The following TBC1D22A variants were observed in gnomAD, a reference collection of about 807,000 sequenced individuals.
TBC1D22A encodes putative GTPase activator.
TBC1D22A carries 38 observed loss-of-function variants against 60.2 expected under a neutral mutation model. The observed-to-expected ratio is 0.63, with a 90% confidence interval of 0.49 to 0.83. The LOEUF is 0.83. Among genes scored for constraint, TBC1D22A ranks in the 40% least tolerant of loss-of-function variants. The pLI, the probability that TBC1D22A is intolerant of heterozygous loss-of-function variation, is 0.00. For missense variants in TBC1D22A, 628 were observed against 701.0 expected (o/e 0.90, Z 1.18); for synonymous variants, 302 against 281.7 (o/e 1.07, Z -0.72).
At chr22:46,797,652 A>G in intron 4 of TBC1D22A, 32 bp downstream of exon 4, 1 of 1,555,296 alleles carries the variant, frequency 6.4e-7, no homozygotes, top group Non-Finnish European at 8.7e-7. Context: ...GGACACACAC[A>G]GACATTTCTT....
chr22:46,939,674 T>G (rs2071868549), intron 8 of TBC1D22A, among the ~76,000 whole-genome samples: 1 of 152,248 alleles, frequency 6.6e-6, no homozygotes, highest in Non-Finnish European at 1.5e-5. Context: ...AAGATGACTG[T>G]CTTCGACAAA....
In TBC1D22A at chr22:46,987,246, C is replaced by T. The variant is rs117814543; in HGVS notation, c.1126-10388C>T. 1.2e-3 allele frequency among the ~76,000 whole-genome samples: 179 copies of T among 152,214 alleles called. 2 individuals carry two copies. The East Asian group carries it at 0.033, about 28-fold the overall frequency. On this transcript the variant is annotated intron_variant, in intron 9 of 12. Coordinates refer to ENST00000337137, the MANE Select transcript of TBC1D22A (RefSeq NM_014346.5). ...GAGGGAGAAATTAGTCTCCATCTCT[C>T]GATGCCGGAGTGGCATTGGTCACCT...
chr22:46,938,589 CTTTT>C (rs60745746), intron 8 of TBC1D22A, among the ~76,000 whole-genome samples: 1 of 140,580 alleles, frequency 7.1e-6, no homozygotes, highest in South Asian at 2.2e-4. Context: ...TTATTTCTCT[CTTTT>C]TTTTTTTTTT....
chr22:46,851,793 G>C (rs1602150597), intron 4 of TBC1D22A, among the ~76,000 whole-genome samples: 1 of 152,370 alleles, frequency 6.6e-6, no homozygotes, highest in South Asian at 2.1e-4. Context: ...GGGCTAGGAA[G>C]GGGTACACGG....
chr22:46,962,387 A>T (rs2073555795), intron 8 of TBC1D22A, among the ~76,000 whole-genome samples: 1 of 152,228 alleles, frequency 6.6e-6, no homozygotes. Context: ...GGTGAGGTGG[A>T]TGATCTTAGG....
chr22:46,939,937 A>C (rs2071883356), intron 8 of TBC1D22A, among the ~76,000 whole-genome samples: 1 of 152,266 alleles, frequency 6.6e-6, no homozygotes, highest in Admixed American at 6.5e-5. Context: ...GTTGATGAGC[A>C]GTCGTTTGCA....
chr22:46,805,496 T>C (rs998932827), intron 4 of TBC1D22A, among the ~76,000 whole-genome samples: 2 of 152,222 alleles, frequency 1.3e-5, no homozygotes, highest in African/African-American at 2.4e-5. Context: ...TCCAAGTCAC[T>C]TGACCTCTTC....
At chr22:46,892,181 G>T (rs1208647643) in intron 6 of TBC1D22A, among the ~76,000 whole-genome samples, 1 of 151,986 alleles carries the variant, frequency 6.6e-6, no homozygotes, top group African/African-American at 2.4e-5. Context: ...GGTTTCCTGA[G>T]GCACGGCAGG....
At chr22:46,838,918 C>T (rs575666240) in intron 4 of TBC1D22A, among the ~76,000 whole-genome samples, 13 of 152,166 alleles carry the variant, frequency 8.5e-5, no homozygotes, top group East Asian at 1.9e-4. Context: ...ATAAAAAGGC[C>T]GTATATGACA....
At chr22:47,110,750 G>C (rs1405386130) in intron 11 of TBC1D22A, among the ~76,000 whole-genome samples, 2 of 152,196 alleles carry the variant, frequency 1.3e-5, no homozygotes, top group African/African-American at 4.8e-5. Context: ...CCCAAGAACT[G>C]GAGTTTGGGG....
At chr22:47,038,560 C>T (rs969117336) in intron 11 of TBC1D22A, among the ~76,000 whole-genome samples, 3 of 152,188 alleles carry the variant, frequency 2.0e-5, no homozygotes, top group Non-Finnish European at 4.4e-5. Context: ...GCTGGGCCTC[C>T]GTGCTCTCCA....
intron 1 of TBC1D22A, among the ~76,000 whole-genome samples, chr22:46,783,306 CT>C: frequency 6.6e-6 from 1 of 152,322 alleles, no homozygotes; most frequent in East Asian, 1.9e-4. Context: ...TGTTTTGACC[CT>C]TCTGGAGAGT....
intron 11 of TBC1D22A, among the ~76,000 whole-genome samples, chr22:47,050,626 G>A (rs1185203895): frequency 1.3e-5 from 2 of 152,198 alleles, no homozygotes; most frequent in African/African-American, 4.8e-5. Flanking sequence ...CTAGGAGCTT[G>A]CCTTCTGCAC....
At chr22:46,811,686 G>T (rs1410488237) in intron 4 of TBC1D22A, among the ~76,000 whole-genome samples, 1 of 152,220 alleles carries the variant, frequency 6.6e-6, no homozygotes, top group Non-Finnish European at 1.5e-5. Context: ...CGCCCAGCTA[G>T]TGGAGCCAGC....
At chr22:46,925,702 G>A (rs2071010384) in intron 8 of TBC1D22A, among the ~76,000 whole-genome samples, 1 of 152,094 alleles carries the variant, frequency 6.6e-6, no homozygotes, top group African/African-American at 2.4e-5. Context: ...TCATTCAACA[G>A]TTTTAAAAAA....
intron 10 of TBC1D22A, among the ~76,000 whole-genome samples, chr22:47,034,374 C>A (rs4495): frequency 2.8e-4 from 42 of 152,168 alleles, no homozygotes; most frequent in Non-Finnish European, 5.1e-4. Flanking sequence ...GTCACTGGCA[C>A]GTCAGCATCT....
intron 4 of TBC1D22A, among the ~76,000 whole-genome samples, chr22:46,860,584 C>G (rs1348286673): frequency 6.7e-6 from 1 of 149,644 alleles, no homozygotes; most frequent in Non-Finnish European, 1.5e-5. Context: ...AGTGCTGTGC[C>G]CCTTCCCGGG....
intron 5 of TBC1D22A, among the ~76,000 whole-genome samples, chr22:46,888,575 C>T (rs1426659252): frequency 5.3e-5 from 8 of 152,278 alleles, no homozygotes; most frequent in Admixed American, 3.3e-4. Context: ...AGCCCCACCT[C>T]GTGGGAGAAG....
intron 6 of TBC1D22A, 36 bp downstream of exon 6, chr22:46,891,430 T>G (rs368103813): frequency 1.1e-4 from 177 of 1,572,754 alleles, no homozygotes; most frequent in East Asian, 4.2e-4. Flanking sequence ...TGTTGCCTGA[T>G]GTACTTTGCT....
Sources: gnomAD v4.1 joint callset for allele counts (sites outside exome capture counted in the v4.1 genomes callset) on GRCh38, gnomAD v4.1.1 for gene constraint, MANE v1.5 for transcripts, NCBI Gene and HGNC (gene_info 2026-07-23, HGNC 2026-07-21) for gene names.